Variants in NAPA observed in about 807,000 individuals in gnomAD.
NAPA encodes NSF attachment protein alpha.
In NAPA, 18 loss-of-function variants were observed where a neutral mutation model predicts 48.0. The ratio of observed to expected loss-of-function variants is 0.38; its 90% confidence interval spans 0.26 to 0.56. The LOEUF is 0.56. NAPA is among the 20% of genes least tolerant of loss of function. The pLI is 0.77. For synonymous variants in NAPA, 152 were observed against 149.9 expected (o/e 1.01, Z -0.10); for missense variants, 315 against 385.0 (o/e 0.82, Z 1.52).
chr19:47,500,853 G>C, intron 2 of NAPA, 104 bp from the exon 3 acceptor site: 1 of 838,426 alleles, frequency 1.2e-6, no homozygotes, highest in Non-Finnish European at 1.8e-6. Flanking sequence ...CGAGAATGCG[G>C]AAAGAGTCCC....
intron 3 of NAPA, chr19:47,496,604 T>A (rs146382887): frequency 4.2e-6 from 1 of 237,768 alleles, no homozygotes; most frequent in African/African-American, 2.3e-5. Flanking sequence ...AGCCTGGGCA[T>A]CTGAAAGTTC....
At chr19:47,491,238 G>A in intron 8 of NAPA, 1 of 203,260 alleles carries the variant, frequency 4.9e-6, no homozygotes, top group East Asian at 1.5e-4. Flanking sequence ...TTCAAAGTGA[G>A]GAAACAGATC....
Position 47,488,318 on chromosome 19 carries a change from G to C in NAPA, c.858C>G (p.Thr286=). 6.2e-7 allele frequency: 1 copy of C among 1,613,646 alleles called. No individual in the cohort carries two copies. The highest frequency in any genetic ancestry group is 1.1e-5 in the South Asian group (1 of 91,080). Reference sequence around the variant, plus strand: ...GCAGGTCCTCCTCATCGCCCTGGATGGTCTTCTTGATGCGCAGCAGCATGG... The same window carrying C: ...GCAGGTCCTCCTCATCGCCCTGGATCGTCTTCTTGATGCGCAGCAGCATGG... ...LTTMLLRIKK[T]IQGDEEDLR is the part of the protein sequence containing the mutation. Residue 286 remains threonine (T), a synonymous_variant, in exon 11 of 11, where the codon ACC becomes ACG. Transcript: ENST00000263354.
chr19:47,487,389 C>A (rs1157495774), downstream of NAPA, among the ~76,000 whole-genome samples: 1 of 152,192 alleles, frequency 6.6e-6, no homozygotes, highest in Non-Finnish European at 1.5e-5. Flanking sequence ...ATCAAGGCCC[C>A]TGGACCCCAA....
At chr19:47,496,346 G>A in intron 3 of NAPA, 1 of 153,156 alleles carries the variant, frequency 6.5e-6, no homozygotes, top group South Asian at 2.0e-4. Flanking sequence ...TACCTTTGTT[G>A]TACTATCTCT....
At chr19:47,496,755 T>A (rs1177661287) in intron 3 of NAPA, 1 of 411,848 alleles carries the variant, frequency 2.4e-6, no homozygotes, top group African/African-American at 2.1e-5. Context: ...TGGGGAGGCA[T>A]CTGGACAGAG....
intron 1 of NAPA, among the ~76,000 whole-genome samples, chr19:47,509,050 T>C (rs1235736834): frequency 6.6e-6 from 1 of 151,990 alleles, no homozygotes. Context: ...CCCTCCAGCC[T>C]GGGCAACAGA....
At chr19:47,491,292 G>T in intron 8 of NAPA, 1 of 170,714 alleles carries the variant, frequency 5.9e-6, no homozygotes. Flanking sequence ...GAGACATGGG[G>T]TGGGAATGGG....
At chr19:47,501,058 G>A (rs1253379652) in intron 2 of NAPA, among the ~76,000 whole-genome samples, 1 of 152,168 alleles carries the variant, frequency 6.6e-6, no homozygotes, top group Non-Finnish European at 1.5e-5. Context: ...GCCAGGGTAA[G>A]CCCAGGTAAA....
rs771568362 is a variant in NAPA at position 47,492,059 on chromosome 19, TGAA to T, written c.619_621del (p.Phe207del). 12 of 1,614,088 alleles carry T rather than the reference TGAA, an allele frequency of 7.4e-6. No homozygotes were observed. The highest frequency in any genetic ancestry group is 1.0e-5 in the Non-Finnish European group (12 of 1,179,972). On this transcript the variant is annotated inframe_deletion, in exon 8 of 11. Transcript: ENST00000263354. Reference sequence around the variant, plus strand: ...ATGCAGAAGTGGCAGAGGGCCGCCTTGAAGAAGTAGTCTTTGGCGCTGTACTTG... The same window carrying T: ...ATGCAGAAGTGGCAGAGGGCCGCCTTGAAGTAGTCTTTGGCGCTGTACTTG...
chr19:47,495,719 C>A (rs970702571), intron 3 of NAPA, 123 bp from the exon 4 acceptor site: 8 of 811,780 alleles, frequency 9.9e-6, no homozygotes, highest in African/African-American at 1.7e-5. Flanking sequence ...GCGCTCAGAG[C>A]TGCCAGCGCT....
At chr19:47,489,913 G>C in intron 9 of NAPA, 152 bp from the exon 10 acceptor site, 1 of 743,512 alleles carries the variant, frequency 1.3e-6, no homozygotes, top group South Asian at 1.6e-5. Flanking sequence ...TTAAACTGGG[G>C]ATGGGTACGG....
In NAPA at chr19:47,515,054, A is replaced by G. The variant is rs1599924657; in HGVS notation, c.-114T>C. On this transcript the variant is annotated 5_prime_UTR_variant, in exon 1 of 11. Transcript: ENST00000263354. ...ACTCGCCCGGCTGCGTTGACGTCGCACCGGCGCGCGTCGCTTGCGGCCAGG... is the reference window on the plus strand; with the variant it reads ...ACTCGCCCGGCTGCGTTGACGTCGCGCCGGCGCGCGTCGCTTGCGGCCAGG... The G allele has an allele frequency of 7.4e-6, 8 of 1,088,296 alleles. No homozygotes were observed. In the East Asian group the frequency reaches 1.9e-4, roughly 26 times the overall value. 67.4% of individuals were successfully genotyped at this position (1,088,296 alleles called of 1,614,324 possible). A position where few individuals can be genotyped will look rare whatever the true frequency, so the allele number is the denominator to read the frequency against.
chr19:47,496,561 T>G (rs2122744104), intron 3 of NAPA: 2 of 176,252 alleles, frequency 1.1e-5, no homozygotes, highest in African/African-American at 2.4e-5. Flanking sequence ...GCAGGGAGCT[T>G]GGACAGGCCA....
chr19:47,514,872 GTTC>G lies in NAPA; in HGVS notation c.66_68del (p.Lys22del). 6.2e-7 allele frequency: 1 copy of G among 1,614,064 alleles called. No individual in the cohort carries two copies. The highest frequency in any genetic ancestry group is 8.5e-7 in the Non-Finnish European group (1 of 1,180,006). ...AGAGGCCAGAGAAGAAGGACTGCGAGTTCTTCACTTTGCGCTCCGCCTCGGCCA... is the reference window on the plus strand; with the variant it reads ...AGAGGCCAGAGAAGAAGGACTGCGAGTTCACTTTGCGCTCCGCCTCGGCCA... On this transcript the variant is annotated inframe_deletion, in exon 1 of 11. Transcript: ENST00000263354.
intron 2 of NAPA, among the ~76,000 whole-genome samples, chr19:47,501,923 A>G (rs911563765): frequency 1.3e-5 from 2 of 152,126 alleles, no homozygotes; most frequent in Non-Finnish European, 2.9e-5. Flanking sequence ...ATATGATTTC[A>G]TTATTTTCAA....
chr19:47,500,385 T>TC (rs1368789050), intron 3 of NAPA, among the ~76,000 whole-genome samples: 4 of 152,036 alleles, frequency 2.6e-5, no homozygotes, highest in Non-Finnish European at 5.9e-5. Context: ...GAAGGGGTGA[T>TC]CAGCTGCACC....
In NAPA at chr19:47,507,385, T is replaced by C. The variant is rs1968713118; in HGVS notation, c.99-3883A>G. ...CAGGGGGTTGTGCAGGGCAGAGTCT[T>C]AGCCCCCTCCTTCCTTCCTCCATCC... On this transcript the variant is annotated intron_variant, in intron 1 of 10. Coordinates refer to ENST00000263354, the MANE Select transcript of NAPA (RefSeq NM_003827.4). Among the ~76,000 whole-genome samples the C allele has an allele frequency of 3.3e-5, 5 of 152,296 alleles. No homozygotes were observed. The South Asian group carries it at 1.0e-3, about 32-fold the overall frequency.
chr19:47,490,746 C>G (rs959207636), intron 9 of NAPA, 42 bp downstream of exon 9: 1 of 1,591,066 alleles, frequency 6.3e-7, no homozygotes, highest in African/African-American at 1.3e-5. Context: ...CCACCCCCGT[C>G]TGAGGTTCGG....
Sources: allele counts gnomAD v4.1 joint callset (sites outside exome capture counted in the v4.1 genomes callset), GRCh38; gene constraint gnomAD v4.1.1; transcripts MANE v1.5; gene names NCBI Gene and HGNC (gene_info 2026-07-23, HGNC 2026-07-21).